The following GOPC variants were observed in gnomAD, a reference collection of about 807,000 sequenced individuals.
The protein encoded by GOPC is golgi associated PDZ and coiled-coil motif containing.
Under a neutral mutation model 51.2 loss-of-function variants are expected in GOPC, and 32 were observed. That is an observed-to-expected ratio of 0.63 (90% confidence interval 0.47 to 0.84). The LOEUF (loss-of-function observed/expected upper bound fraction) is 0.84, where lower values mean the gene tolerates loss of function less well. Ranked by LOEUF, GOPC falls within the 40% of genes least tolerant of loss-of-function variation. The pLI is 0.00. For missense variants in GOPC, 441 were observed against 555.5 expected, an observed-to-expected ratio of 0.79 and a Z score of 2.07; for synonymous variants, 190 against 205.1, an observed-to-expected ratio of 0.93 and a Z score of 0.63.
intron 1 of GOPC, among the ~76,000 whole-genome samples, chr6:117,587,113 A>AT (rs1780044129): frequency 6.6e-6 from 1 of 152,182 alleles, no homozygotes; most frequent in Non-Finnish European, 1.5e-5. Context: ...TCCTTACTTC[A>AT]GGTCAGCTCT....
chr6:117,599,170 T>C (rs1482184077), intron 1 of GOPC, among the ~76,000 whole-genome samples: 3 of 152,164 alleles, frequency 2.0e-5, no homozygotes, highest in Non-Finnish European at 4.4e-5. Context: ...ATTGGAGGTA[T>C]CTGTTTCTTC....
intron 1 of GOPC, among the ~76,000 whole-genome samples, chr6:117,582,273 T>TCCACACACACAC (rs148429862): frequency 8.4e-6 from 1 of 119,126 alleles, no homozygotes; most frequent in African/African-American, 3.4e-5. Context: ...CCTCCCCCCC[T>TCCACACACACAC]ACACACACAC....
chr6:117,578,893 T>C lies in GOPC; in HGVS notation c.450+7A>G. 6.3e-7 allele frequency: 1 copy of C among 1,577,048 alleles called. No homozygotes were observed. The highest frequency in any genetic ancestry group is 8.6e-7 in the Non-Finnish European group (1 of 1,161,368). On this transcript the variant is annotated splice_region_variant and intron_variant, in intron 2 of 8. Coordinates refer to ENST00000368498, the MANE Select transcript of GOPC (RefSeq NM_020399.4). ...TGCAAGGGCATGTCACTCTCTAAAC[T>C]ACTTACCAATTTTGCCTTAATGGTA...
chr6:117,597,935 C>G (rs1780224543), intron 1 of GOPC, among the ~76,000 whole-genome samples: 1 of 150,930 alleles, frequency 6.6e-6, no homozygotes, highest in Non-Finnish European at 1.5e-5. Flanking sequence ...CAAAGGAATA[C>G]TACTTAGCCA....
At position 117,579,108 on chromosome 6, in the gene GOPC, CTTTCT is replaced by C. The variant is rs759371714; in HGVS notation, c.286-49_286-45del. 6.2e-5 allele frequency: 91 copies of C among 1,474,668 alleles called. No individual in the cohort carries two copies. The South Asian group carries it at 1.1e-3, about 17-fold the overall frequency. 91.3% of individuals were successfully genotyped at this position (1,474,668 alleles called of 1,614,324 possible). ...GAAGAAATTAAGGATGCTTAATTTT[CTTTCT>C]TTTGACTAATAATTGTTATTCAAGA... On this transcript the variant is annotated intron_variant, in intron 1 of 8. Coordinates refer to ENST00000368498, the MANE Select transcript of GOPC (RefSeq NM_020399.4).
intron 1 of GOPC, among the ~76,000 whole-genome samples, chr6:117,587,090 G>A (rs1425177792): frequency 6.6e-6 from 1 of 152,120 alleles, no homozygotes; most frequent in Non-Finnish European, 1.5e-5. Flanking sequence ...CTCAAGATAG[G>A]AAATAATACT....
At chr6:117,575,914 C>T (rs533563152) in intron 3 of GOPC, among the ~76,000 whole-genome samples, 1 of 152,196 alleles carries the variant, frequency 6.6e-6, no homozygotes, top group African/African-American at 2.4e-5. Flanking sequence ...GAAATTGTTT[C>T]TCTTGAGGAA....
intron 1 of GOPC, among the ~76,000 whole-genome samples, chr6:117,582,053 C>T (rs540464810): frequency 2.6e-5 from 4 of 152,200 alleles, no homozygotes; most frequent in Admixed American, 6.5e-5. Flanking sequence ...GGTAGGGATG[C>T]AGTGGTATAT....
chr6:117,575,868 G>A (rs757329414), intron 3 of GOPC, among the ~76,000 whole-genome samples: 1 of 152,076 alleles, frequency 6.6e-6, no homozygotes, highest in Non-Finnish European at 1.5e-5. Flanking sequence ...TGTCCCTTTT[G>A]TGAGGACGTA....
At chr6:117,569,949 A>C (rs544721829) in intron 6 of GOPC, 48 of 454,500 alleles carry the variant, frequency 1.1e-4, no homozygotes, top group African/African-American at 9.2e-4. Flanking sequence ...ATTAAAAAAA[A>C]CTTATGTGTT....
chr6:117,583,019 G>T (rs920805284), intron 1 of GOPC, among the ~76,000 whole-genome samples: 1 of 152,038 alleles, frequency 6.6e-6, no homozygotes, highest in Non-Finnish European at 1.5e-5. Context: ...CCTTGGGATC[G>T]CAGGCACCCA....
At chr6:117,580,675 G>A (rs1237275715) in intron 1 of GOPC, among the ~76,000 whole-genome samples, 1 of 151,878 alleles carries the variant, frequency 6.6e-6, no homozygotes, top group African/African-American at 2.4e-5. Context: ...ATAATATAGT[G>A]GTTTTTAGTA....
In GOPC at chr6:117,561,062, G is replaced by A. The variant is rs1310918861; in HGVS notation, c.*2192C>T. 2.7e-5 allele frequency: 6 copies of A among 223,356 alleles called. No homozygotes were observed. The East Asian group carries it at 3.9e-4, about 15-fold the overall frequency. 13.8% of individuals were successfully genotyped at this position (223,356 alleles called of 1,614,324 possible). A position where few individuals can be genotyped will look rare whatever the true frequency, so the allele number is the denominator to read the frequency against. ...TCTAACACCGGACAGGAAGCTCACA[G>A]TAGCATCTGAGCAACGGTGCTCTCC... is the stretch of plus-strand genomic sequence containing the variant. On this transcript the variant is annotated 3_prime_UTR_variant, in exon 9 of 9. Transcript: ENST00000368498.
intron 7 of GOPC, among the ~76,000 whole-genome samples, chr6:117,568,943 C>T (rs1779752350): frequency 6.6e-6 from 1 of 152,166 alleles, no homozygotes; most frequent in Non-Finnish European, 1.5e-5. Flanking sequence ...ACTACCAATG[C>T]CTCTAATTCC....
At position 117,571,246 on chromosome 6, in the gene GOPC, T is replaced by C. The variant is rs187638661; in HGVS notation, c.817-291A>G. Among the ~76,000 whole-genome samples, 1,048 of 152,306 alleles carry C rather than the reference T, an allele frequency of 6.9e-3. 4 individuals are homozygous for C. Among genetic ancestry groups the C allele is most frequent in the Non-Finnish European group, 0.012 (822 of 68,000 alleles). On this transcript the variant is annotated intron_variant, in intron 5 of 8. Transcript: ENST00000368498. ...AAAAGAAATGATTTCCAGGAATTAA[T>C]TGAGGAACAAATATCCTCAAAAAAT...
chr6:117,580,735 T>C (rs1383107314), intron 1 of GOPC, among the ~76,000 whole-genome samples: 1 of 152,164 alleles, frequency 6.6e-6, no homozygotes, highest in Non-Finnish European at 1.5e-5. Context: ...TGAAGCATTT[T>C]CTCTCAATGG....
At chr6:117,567,778 T>G (rs1779727920) in intron 7 of GOPC, among the ~76,000 whole-genome samples, 1 of 152,038 alleles carries the variant, frequency 6.6e-6, no homozygotes, top group African/African-American at 2.4e-5. Context: ...CCCTACATAA[T>G]GAACAAGAAT....
chr6:117,589,208 T>C (rs375020977), intron 1 of GOPC, among the ~76,000 whole-genome samples: 3 of 152,362 alleles, frequency 2.0e-5, no homozygotes, highest in African/African-American at 4.8e-5. Context: ...AATGGTAAGA[T>C]ACATCATAGG....
At position 117,575,300 on chromosome 6, in the gene GOPC, TC is replaced by T; in HGVS notation, c.526del (p.Glu176LysfsTer4). 1 of 1,613,552 alleles carries T rather than the reference TC, an allele frequency of 6.2e-7. No homozygotes were observed. The highest frequency in any genetic ancestry group is 8.5e-7 in the Non-Finnish European group (1 of 1,179,740). On this transcript the variant is annotated frameshift_variant, in exon 4 of 9. Transcript: ENST00000368498. LOFTEE classifies it high-confidence loss of function. Reference protein sequence around the residue: ...KKEKMKEAQLEAEVKLLRKEN... With the variant: ...KKEKMKEAQLXAEVKLLRKEN... ...TTTTCTCAACAATTTCACTTCAGCT[TC>T]AAGTTGTGCTTCTTTCATTTTTTCT...
Sources: gnomAD v4.1 joint callset for allele counts (sites outside exome capture counted in the v4.1 genomes callset) on GRCh38, gnomAD v4.1.1 for gene constraint, MANE v1.5 for transcripts, NCBI Gene and HGNC (gene_info 2026-07-23, HGNC 2026-07-21) for gene names.